ACTR1A: variants seen among roughly 807,000 people sequenced by gnomAD.
The protein encoded by ACTR1A is alpha-centractin.
A neutral mutation model predicts 50.7 loss-of-function variants in ACTR1A; 10 were observed. That is an observed-to-expected ratio of 0.20 (90% confidence interval 0.12 to 0.33). The LOEUF is 0.33. ACTR1A is among the 10% of genes least tolerant of loss of function. The probability of loss-of-function intolerance (pLI) is 1.00; values close to 1 mark genes in which losing one functional copy is unlikely to be tolerated. For missense variants in ACTR1A, 253 were observed against 491.7 expected, an observed-to-expected ratio of 0.51 and a Z score of 4.59; for synonymous variants, 177 against 184.2, an observed-to-expected ratio of 0.96 and a Z score of 0.32.
chr10:102,489,914 C>A (rs538888559), intron 2 of ACTR1A, among the ~76,000 whole-genome samples: 1 of 152,136 alleles, frequency 6.6e-6, no homozygotes, highest in East Asian at 1.9e-4. Flanking sequence ...CTTCTCCTGC[C>A]TGCAGTCTCT....
chr10:102,501,232 C>T (rs1207829369), intron 1 of ACTR1A, among the ~76,000 whole-genome samples: 1 of 152,184 alleles, frequency 6.6e-6, no homozygotes, highest in Non-Finnish European at 1.5e-5. Context: ...GGAACTGGAT[C>T]TTAGTCTGAT....
chr10:102,495,797 G>A (rs576405529), intron 1 of ACTR1A, among the ~76,000 whole-genome samples: 1 of 110,236 alleles, frequency 9.1e-6, no homozygotes, highest in East Asian at 2.8e-4. Flanking sequence ...CTCTTGCTCT[G>A]TCGCCCAGGC....
intron 5 of ACTR1A, among the ~76,000 whole-genome samples, chr10:102,485,305 C>T (rs772863595): frequency 1.2e-4 from 18 of 152,196 alleles, no homozygotes; most frequent in South Asian, 2.1e-4. Flanking sequence ...CGGGGGCCTC[C>T]GGGAAGAGCT....
chr10:102,494,775 T>C (rs890096939), intron 1 of ACTR1A, among the ~76,000 whole-genome samples: 3 of 152,192 alleles, frequency 2.0e-5, no homozygotes, highest in African/African-American at 7.2e-5. Flanking sequence ...CTGGGCAACA[T>C]GGCAAAACGC....
chr10:102,502,206 C>T (rs3758547), intron 1 of ACTR1A, among the ~76,000 whole-genome samples: 8,394 of 152,282 alleles, frequency 0.055, 382 homozygotes, highest in African/African-American at 0.13. Context: ...CCAATCACCG[C>T]AGAGGCCTAG....
chr10:102,498,937 T>C (rs1208112406), intron 1 of ACTR1A, among the ~76,000 whole-genome samples: 1 of 152,182 alleles, frequency 6.6e-6, no homozygotes, highest in Non-Finnish European at 1.5e-5. Context: ...ATCATAAAGC[T>C]TCTTGGGTGA....
In ACTR1A at chr10:102,484,240, A is replaced by G; in HGVS notation, c.577T>C (p.Phe193Leu). The G allele has an allele frequency of 6.2e-7, 1 of 1,614,228 alleles. No individual in the cohort carries two copies. Among genetic ancestry groups the G allele is most frequent in the Non-Finnish European group, 8.5e-7 (1 of 1,180,042 alleles). The change falls in exon 6 of 11, where the codon TTC becomes CTC. Residue 193 changes from phenylalanine (F) to leucine (L), a missense_variant. By Grantham distance (22) the Phe-to-Leu change is conservative (BLOSUM62 0). Transcript: ENST00000369905. The part of the protein sequence containing the change: ...IDIAGRDVSR[F>L]LRLYLRKEGY... Reference sequence around the variant, plus strand: ...TCCTTACGCAGGTAGAGGCGCAGGAAGCGAGAGACGTCCCGGCCCGCGATG... The same window carrying G: ...TCCTTACGCAGGTAGAGGCGCAGGAGGCGAGAGACGTCCCGGCCCGCGATG...
intron 1 of ACTR1A, among the ~76,000 whole-genome samples, chr10:102,502,083 T>C (rs944251278): frequency 1.3e-5 from 2 of 152,272 alleles, no homozygotes; most frequent in African/African-American, 4.8e-5. Flanking sequence ...CACTCGCCTC[T>C]AGGCCCCACC....
At position 102,484,263 on chromosome 10, in the gene ACTR1A, A is replaced by G; in HGVS notation, c.554T>C (p.Ile185Thr). The G allele has an allele frequency of 6.2e-7, 1 of 1,614,174 alleles. No individual in the cohort carries two copies. The highest frequency in any genetic ancestry group is 8.5e-7 in the Non-Finnish European group (1 of 1,180,022). The change falls in exon 6 of 11, where the codon ATC becomes ACC. Residue 185 changes from isoleucine (I) to threonine (T), a missense_variant. Ile to Thr is a moderately conservative substitution (Grantham distance 89). Coordinates refer to ENST00000369905, the MANE Select transcript of ACTR1A (RefSeq NM_005736.4). ...GAAGCGAGAGACGTCCCGGCCCGCGATGTCGATGCGCATGATGGAGTGGGG... is the reference window on the plus strand; with the variant it reads ...GAAGCGAGAGACGTCCCGGCCCGCGGTGTCGATGCGCATGATGGAGTGGGG... ...AMPHSIMRIDIAGRDVSRFLR... is the reference protein window; with the variant it reads ...AMPHSIMRIDTAGRDVSRFLR...
At position 102,483,150 on chromosome 10, in the gene ACTR1A, C is replaced by T. The variant is rs187849777; in HGVS notation, c.658-47G>A. The T allele has an allele frequency of 1.9e-5, 28 of 1,439,772 alleles. No individual in the cohort carries two copies. In the South Asian group the frequency reaches 2.6e-4, roughly 14 times the overall value. The allele number at this position is 1,439,772 out of a possible 1,614,324, so 89.2% of individuals were successfully genotyped here. A position where few individuals can be genotyped will look rare whatever the true frequency, so the allele number is the denominator to read the frequency against. On this transcript the variant is annotated intron_variant, in intron 6 of 10. Transcript: ENST00000369905. The stretch of plus-strand genomic sequence containing the variant: ...TCAGGCTGGCAGGAAATCTGGTGCA[C>T]ATCCAGTCAAAGGCCCAGGGGAGGA...
chr10:102,485,620 A>C lies in ACTR1A; in HGVS notation c.429T>G (p.Ala143=). Residue 143 remains alanine (A), a synonymous_variant, in exon 5 of 11, where the codon GCT becomes GCG. Coordinates refer to ENST00000369905, the MANE Select transcript of ACTR1A (RefSeq NM_005736.4). ...CAGCTGCTACTCACAGGCTGAGTAC[A>C]GCTTGCATGGAGATGAAAAGAGCGG... ...NVPALFISMQ[A]VLSLYATGRT... is the part of the protein sequence containing the mutation. The C allele has an allele frequency of 6.2e-7, 1 of 1,613,880 alleles. No homozygotes were observed. Among genetic ancestry groups the C allele is most frequent in the Non-Finnish European group, 8.5e-7 (1 of 1,180,004 alleles).
At chr10:102,491,433 G>A (rs1408852854) in intron 1 of ACTR1A, among the ~76,000 whole-genome samples, 3 of 152,206 alleles carry the variant, frequency 2.0e-5, no homozygotes, top group African/African-American at 7.2e-5. Flanking sequence ...CATGGAACAC[G>A]TGCTGTCTGG....
At chr10:102,499,413 C>T (rs2062236790) in intron 1 of ACTR1A, among the ~76,000 whole-genome samples, 1 of 152,154 alleles carries the variant, frequency 6.6e-6, no homozygotes, top group African/African-American at 2.4e-5. Context: ...TCTCCTACTT[C>T]ACCTTTTGGC....
chr10:102,500,589 AAACAAACAAAC>A (rs1256743194), intron 1 of ACTR1A, among the ~76,000 whole-genome samples: 7 of 144,540 alleles, frequency 4.8e-5, no homozygotes, highest in East Asian at 2.0e-4. Flanking sequence ...ACAAACAAAC[AAACAAACAAAC>A]AAACAAAAAT....
At chr10:102,502,037 G>C (rs921700222) in intron 1 of ACTR1A, among the ~76,000 whole-genome samples, 1 of 152,244 alleles carries the variant, frequency 6.6e-6, no homozygotes, top group South Asian at 2.1e-4. Flanking sequence ...GGCTGAGACC[G>C]AAGGAAAACT....
rs111807873 is a variant in ACTR1A at position 102,483,219 on chromosome 10, A to G, written c.658-116T>C. On this transcript the variant is annotated intron_variant, in intron 6 of 10. Transcript: ENST00000369905. ...CTGTCTAAACGTTGTGATGGCCCCA[A>G]TGGTCACTATAGCTGCTGCCCAGAA... 1,253 of 812,276 alleles carry G rather than the reference A, an allele frequency of 1.5e-3. 7 individuals are homozygous for G. The highest frequency in any genetic ancestry group is 0.01 in the African/African-American group (606 of 59,928). 50.3% of individuals were successfully genotyped at this position (812,276 alleles called of 1,614,324 possible).
chr10:102,480,714 C>G lies in ACTR1A; in HGVS notation c.*149G>C. The G allele has an allele frequency of 1.4e-6, 1 of 706,924 alleles. No homozygotes were observed. The highest frequency in any genetic ancestry group is 1.7e-5 in the African/African-American group (1 of 57,392). 43.8% of individuals were successfully genotyped at this position (706,924 alleles called of 1,614,324 possible). Reference sequence around the variant, plus strand: ...CATCGTCCTTTCTGGGCCCAGGGTCCCAGGGCCACACGGCACTCGCATGTG... The same window carrying G: ...CATCGTCCTTTCTGGGCCCAGGGTCGCAGGGCCACACGGCACTCGCATGTG... On this transcript the variant is annotated 3_prime_UTR_variant, in exon 11 of 11. Coordinates refer to ENST00000369905, the MANE Select transcript of ACTR1A (RefSeq NM_005736.4).
At chr10:102,495,615 A>C (rs2062216848) in intron 1 of ACTR1A, among the ~76,000 whole-genome samples, 1 of 150,444 alleles carries the variant, frequency 6.6e-6, no homozygotes, top group African/African-American at 2.4e-5. Flanking sequence ...CTATAGTCCC[A>C]GTACTCGGGA....
chr10:102,482,181 G>A lies in ACTR1A; in HGVS notation c.751-6C>T. 6.2e-7 allele frequency: 1 copy of A among 1,610,928 alleles called. No homozygotes were observed. The highest frequency in any genetic ancestry group is 8.5e-7 in the Non-Finnish European group (1 of 1,180,012). On this transcript the variant is annotated splice_polypyrimidine_tract_variant and splice_region_variant and intron_variant, in intron 7 of 10. Coordinates refer to ENST00000369905, the MANE Select transcript of ACTR1A (RefSeq NM_005736.4). The surrounding 1 kb of genome is among the most constrained non-coding windows in gnomAD (Gnocchi z 5.6). ...CGGAATCGGGAAGGACCAATCTGCA[G>A]GTAGGAGGGCCAGCTGAAGAGGTCG...
Sources: gnomAD v4.1 joint callset for allele counts (sites outside exome capture counted in the v4.1 genomes callset) on GRCh38, gnomAD v4.1.1 for gene constraint, Gnocchi (gnomAD v3.1) non-coding constraint, MANE v1.5 for transcripts, NCBI Gene and HGNC (gene_info 2026-07-23, HGNC 2026-07-21) for gene names.